EIPR1: variants seen among roughly 807,000 people sequenced by gnomAD.
EIPR1 encodes the protein EARP complex and GARP complex interacting protein 1.
Under a neutral mutation model 48.1 loss-of-function variants are expected in EIPR1, and 25 were observed. The observed-to-expected ratio is 0.52, with a 90% CI of 0.38 to 0.73. The LOEUF (loss-of-function observed/expected upper bound fraction) is 0.73, where lower values mean the gene tolerates loss of function less well. EIPR1 is among the 30% of genes least tolerant of loss of function. The pLI, the probability that EIPR1 is intolerant of heterozygous loss-of-function variation, is 0.00. For synonymous variants in EIPR1, 204 were observed against 201.9 expected, an observed-to-expected ratio of 1.01 and a Z score of -0.09; for missense variants, 415 against 506.2, an observed-to-expected ratio of 0.82 and a Z score of 1.73.
chr2:3,225,304 G>A (rs1666029081), intron 4 of EIPR1, among the ~76,000 whole-genome samples: 1 of 151,070 alleles, frequency 6.6e-6, no homozygotes, highest in African/African-American at 2.4e-5. Flanking sequence ...GGAGGGCAGT[G>A]GTGCAATCAC....
chr2:3,193,966 C>T (rs1348340076), intron 7 of EIPR1, 33 bp downstream of exon 7: 1 of 1,610,102 alleles, frequency 6.2e-7, no homozygotes, highest in Non-Finnish European at 8.5e-7. Flanking sequence ...TGCGTAATCC[C>T]CTCCTCCCTG....
chr2:3,329,940 G>A (rs72493321), intron 3 of EIPR1, among the ~76,000 whole-genome samples: 2 of 150,434 alleles, frequency 1.3e-5, no homozygotes, highest in Non-Finnish European at 3.0e-5. Context: ...TACTAGCCTG[G>A]ACTCCCCTGG....
chr2:3,217,935 G>A (rs1362698008), intron 4 of EIPR1, among the ~76,000 whole-genome samples: 1 of 152,172 alleles, frequency 6.6e-6, no homozygotes, highest in East Asian at 1.9e-4. Flanking sequence ...CCCCTCATAA[G>A]CTATGCTAAA....
intron 4 of EIPR1, among the ~76,000 whole-genome samples, chr2:3,255,744 T>C (rs920159164): frequency 2.0e-5 from 3 of 152,214 alleles, no homozygotes; most frequent in Non-Finnish European, 4.4e-5. Flanking sequence ...ACCACTGACC[T>C]GCGCAGAGTC....
chr2:3,372,445 T>G (rs1454705390), intron 1 of EIPR1, among the ~76,000 whole-genome samples: 1 of 151,598 alleles, frequency 6.6e-6, no homozygotes, highest in Non-Finnish European at 1.5e-5. Context: ...ATCCAGGAGC[T>G]GGTTTTTTGA....
At chr2:3,248,307 G>T (rs1258832359) in intron 4 of EIPR1, among the ~76,000 whole-genome samples, 3 of 152,150 alleles carry the variant, frequency 2.0e-5, no homozygotes, top group African/African-American at 7.2e-5. Context: ...AACTAGCCGG[G>T]CATGAGCTGG....
At chr2:3,274,825 AT>A (rs1354939205) in intron 3 of EIPR1, among the ~76,000 whole-genome samples, 3 of 152,192 alleles carry the variant, frequency 2.0e-5, no homozygotes, top group Non-Finnish European at 4.4e-5. Flanking sequence ...AGCTTTTCAT[AT>A]TGTTGGAATA....
At chr2:3,264,234 G>A (rs185653543) in intron 3 of EIPR1, among the ~76,000 whole-genome samples, 3 of 152,264 alleles carry the variant, frequency 2.0e-5, no homozygotes, top group South Asian at 4.1e-4. Flanking sequence ...GTGAGATTGC[G>A]TGGTGTCTGA....
chr2:3,334,646 T>A (rs1170938574), intron 3 of EIPR1, among the ~76,000 whole-genome samples: 1 of 152,266 alleles, frequency 6.6e-6, no homozygotes, highest in Non-Finnish European at 1.5e-5. Flanking sequence ...GCAGCTGTGC[T>A]GCTCTTTCCT....
rs10581799 is a variant in EIPR1 at position 3,355,812 on chromosome 2, T to TAAATA, written c.43-1184_43-1180dup. Among the ~76,000 whole-genome samples the TAAATA allele has an allele frequency of 3.7e-3, 557 of 148,910 alleles. 7 individuals carry two copies. Among genetic ancestry groups the TAAATA allele is most frequent in the African/African-American group, 0.012 (487 of 40,468 alleles). On this transcript the variant is annotated intron_variant, in intron 1 of 8. Transcript: ENST00000382125. ...CTGGGTGACCGAACAAGACCCTGTCTAAATAAAATAAAATAAAATAAAATA... is the reference window on the plus strand; with the variant it reads ...CTGGGTGACCGAACAAGACCCTGTCTAAATAAAATAAAATAAAATAAAATAAAATA...
chr2:3,257,309 T>C lies in EIPR1; in HGVS notation c.406A>G (p.Asn136Asp). Residue 136 changes from asparagine to aspartate, a missense_variant, in exon 4 of 9, where the codon AAC becomes GAC. By Grantham distance (23) the Asn-to-Asp change is conservative. Coordinates refer to ENST00000382125, the MANE Select transcript of EIPR1 (RefSeq NM_003310.5). ...TATGCAAAATCCTACCAGGCCATGT[T>C]GCCATGGGCTGTGTTGTCAAGGTGA... ...LCHLDNTAHG[N>D]MACVVWEPMG... 1 of 1,613,048 alleles carries C rather than the reference T, an allele frequency of 6.2e-7. No homozygotes were observed. The highest frequency in any genetic ancestry group is 1.1e-5 in the South Asian group (1 of 91,012).
At chr2:3,255,190 C>CT (rs11285663) in intron 4 of EIPR1, among the ~76,000 whole-genome samples, 105 of 145,234 alleles carry the variant, frequency 7.2e-4, no homozygotes, top group African/African-American at 1.0e-3. Flanking sequence ...TTCTTACTTT[C>CT]TTTTTTTTTT....
intron 3 of EIPR1, among the ~76,000 whole-genome samples, chr2:3,259,792 G>A (rs547413429): frequency 1.3e-5 from 2 of 152,282 alleles, no homozygotes; most frequent in South Asian, 4.1e-4. Context: ...ATGGTCACTT[G>A]TTTTACTACA....
intron 3 of EIPR1, chr2:3,274,498 T>C: frequency 6.7e-7 from 1 of 1,498,494 alleles, no homozygotes; most frequent in Non-Finnish European, 8.9e-7. Context: ...AATCAAGCCA[T>C]GAGACCCTAC....
chr2:3,310,497 C>CA (rs1669093899), intron 3 of EIPR1, among the ~76,000 whole-genome samples: 1 of 140,548 alleles, frequency 7.1e-6, no homozygotes, highest in Admixed American at 6.9e-5. Context: ...ACTAAAAATA[C>CA]AAAAAATTAG....
At position 3,312,810 on chromosome 2, in the gene EIPR1, G is replaced by GTT. The variant is rs1669170392; in HGVS notation, c.259+25206_259+25207insAA. Among the ~76,000 whole-genome samples, 3 of 152,114 alleles carry GTT rather than the reference G, an allele frequency of 2.0e-5. No homozygotes were observed. The South Asian group carries it at 6.2e-4, about 32-fold the overall frequency. On this transcript the variant is annotated intron_variant, in intron 3 of 8. Coordinates refer to ENST00000382125, the MANE Select transcript of EIPR1 (RefSeq NM_003310.5). The surrounding 1 kb of genome is among the most constrained non-coding windows in gnomAD (Gnocchi z 5.5). ...ATGAGCACGTCATGGCCTGACCACC[G>GTT]CTGTGGGCCTCATTCTGGAATGGAT...
At chr2:3,283,494 G>A (rs1668077618) in intron 3 of EIPR1, among the ~76,000 whole-genome samples, 2 of 152,184 alleles carry the variant, frequency 1.3e-5, no homozygotes, top group Non-Finnish European at 2.9e-5. Flanking sequence ...GGCACAAGAG[G>A]ACTGAGAAGG....
intron 2 of EIPR1, among the ~76,000 whole-genome samples, chr2:3,341,990 A>G (rs1008320457): frequency 6.6e-6 from 1 of 152,204 alleles, no homozygotes; most frequent in African/African-American, 2.4e-5. Flanking sequence ...TTTCTAAGTG[A>G]TGGCAACCAA....
intron 3 of EIPR1, among the ~76,000 whole-genome samples, chr2:3,289,462 G>A (rs766337731): frequency 2.6e-5 from 4 of 152,070 alleles, no homozygotes; most frequent in Non-Finnish European, 5.9e-5. Flanking sequence ...CCGAACTGAG[G>A]GACCACGGGA....
Sources: allele counts gnomAD v4.1 joint callset (sites outside exome capture counted in the v4.1 genomes callset), GRCh38; gene constraint gnomAD v4.1.1; non-coding constraint Gnocchi (gnomAD v3.1); transcripts MANE v1.5; gene names NCBI Gene and HGNC (gene_info 2026-07-23, HGNC 2026-07-21).